USP7: variants seen among roughly 807,000 people sequenced by gnomAD.
USP7 encodes the protein ubiquitin C-terminal hydrolase 7.
In USP7, 9 loss-of-function variants were observed where a neutral mutation model predicts 162.9. That is an observed-to-expected ratio of 0.06 (90% CI 0.03 to 0.10). The LOEUF is 0.10. Ranked by LOEUF, USP7 falls within the 10% of genes least tolerant of loss-of-function variation. The probability of loss-of-function intolerance (pLI) is 1.00; values close to 1 mark genes in which losing one functional copy is unlikely to be tolerated. For missense variants in USP7, 715 were observed against 1,373.7 expected (o/e 0.52, Z 7.58); for synonymous variants, 562 against 475.9 (o/e 1.18, Z -2.35).
chr16:8,919,452 T>TAG (rs1037776885), intron 5 of USP7, among the ~76,000 whole-genome samples: 1 of 152,042 alleles, frequency 6.6e-6, no homozygotes, highest in Non-Finnish European at 1.5e-5. Flanking sequence ...TGCCTCATGG[T>TAG]AGAGTTTGGT....
At chr16:8,925,249 G>C (rs1477959964) in intron 2 of USP7, among the ~76,000 whole-genome samples, 1 of 152,168 alleles carries the variant, frequency 6.6e-6, no homozygotes, top group Non-Finnish European at 1.5e-5. Context: ...CCTGACTCTG[G>C]TTTTTAAAAT....
chr16:8,896,040 T>C (rs903634475), intron 26 of USP7, among the ~76,000 whole-genome samples: 9 of 152,058 alleles, frequency 5.9e-5, no homozygotes, highest in Admixed American at 2.0e-4. Flanking sequence ...TTTCACCATG[T>C]TGGTTAGCCA....
chr16:8,919,802 A>T (rs1471568622), intron 5 of USP7, among the ~76,000 whole-genome samples: 5 of 151,456 alleles, frequency 3.3e-5, no homozygotes, highest in African/African-American at 1.2e-4. Flanking sequence ...CACGACCGTC[A>T]CCAAGCGGGA....
At chr16:8,896,836 G>A (rs527830010) in intron 26 of USP7, among the ~76,000 whole-genome samples, 163 bp downstream of exon 26, 2 of 152,298 alleles carry the variant, frequency 1.3e-5, no homozygotes, top group East Asian at 1.9e-4. Flanking sequence ...GGTCTGTGTT[G>A]AGCTTCTGTG....
chr16:8,953,494 G>A (rs1281056545), intron 1 of USP7, among the ~76,000 whole-genome samples: 1 of 151,692 alleles, frequency 6.6e-6, no homozygotes, highest in African/African-American at 2.4e-5. Context: ...GGGTTGGGGA[G>A]AAGACACGTG....
intron 10 of USP7, among the ~76,000 whole-genome samples, chr16:8,911,936 T>G (rs2061953243): frequency 6.6e-6 from 1 of 152,118 alleles, no homozygotes; most frequent in Non-Finnish European, 1.5e-5. Flanking sequence ...GAAAAACCGC[T>G]GAACACCTGG....
chr16:8,895,225 C>T (rs1001586510), intron 27 of USP7, 75 bp from the exon 28 acceptor site: 9 of 1,607,974 alleles, frequency 5.6e-6, no homozygotes, highest in Non-Finnish European at 7.6e-6. Context: ...TCAATTCTCA[C>T]ACTACTCTAA....
At chr16:8,912,159 T>C (rs914963093) in intron 10 of USP7, among the ~76,000 whole-genome samples, 8 of 152,164 alleles carry the variant, frequency 5.3e-5, no homozygotes, top group Non-Finnish European at 1.5e-5. Flanking sequence ...TTACCAAGCA[T>C]GTGAACCAGT....
chr16:8,946,915 A>C (rs1317058043), intron 1 of USP7, among the ~76,000 whole-genome samples: 1 of 152,262 alleles, frequency 6.6e-6, no homozygotes, highest in African/African-American at 2.4e-5. Context: ...TGATGAATCC[A>C]TATTTTCCAA....
intron 1 of USP7, among the ~76,000 whole-genome samples, chr16:8,933,145 G>A: frequency 6.6e-6 from 1 of 152,186 alleles, no homozygotes; most frequent in East Asian, 1.9e-4. Flanking sequence ...TCATCATGTT[G>A]GTCAGACTGG....
intron 10 of USP7, 54 bp downstream of exon 10, chr16:8,915,200 A>G (rs1481720565): frequency 6.8e-7 from 1 of 1,474,070 alleles, no homozygotes; most frequent in African/African-American, 1.4e-5. Flanking sequence ...TGAAACATTA[A>G]AACACAGTAG....
chr16:8,900,634 C>T lies in USP7; in HGVS notation c.2209-4G>A, dbSNP rs550522259. On this transcript the variant is annotated splice_polypyrimidine_tract_variant and splice_region_variant and intron_variant, in intron 20 of 30. Transcript: ENST00000344836. ...CTGTTAAATTCGGTTTAACTTCCTACAGTGAAAGATATAAAATTGTTACAC... is the reference window on the plus strand; with the variant it reads ...CTGTTAAATTCGGTTTAACTTCCTATAGTGAAAGATATAAAATTGTTACAC... 2.0e-4 allele frequency: 312 copies of T among 1,599,526 alleles called. 1 individual carries two copies. In the South Asian group the frequency reaches 3.3e-3, roughly 17 times the overall value.
intron 2 of USP7, among the ~76,000 whole-genome samples, chr16:8,928,262 AC>A (rs1313456795): frequency 2.6e-5 from 4 of 152,174 alleles, no homozygotes; most frequent in Non-Finnish European, 5.9e-5. Context: ...TACAGACCAA[AC>A]TTCTAATGAG....
intron 13 of USP7, among the ~76,000 whole-genome samples, chr16:8,905,824 C>T (rs190684906): frequency 6.6e-6 from 1 of 152,328 alleles, no homozygotes; most frequent in African/African-American, 2.4e-5. Flanking sequence ...CAGTTATCTT[C>T]CCATCTGCGT....
intron 2 of USP7, among the ~76,000 whole-genome samples, chr16:8,926,712 T>C (rs1898021888): frequency 1.3e-5 from 2 of 152,186 alleles, no homozygotes; most frequent in South Asian, 2.1e-4. Flanking sequence ...CACTGCAAAA[T>C]TAGCACTTCA....
chr16:8,908,489 T>C, intron 11 of USP7, 39 bp from the exon 12 acceptor site: 1 of 1,549,114 alleles, frequency 6.5e-7, no homozygotes, highest in Non-Finnish European at 8.8e-7. Context: ...AGTTAGCCTC[T>C]ACTTACTCCT....
chr16:8,921,256 T>C lies in USP7; in HGVS notation c.423A>G (p.Ile141Met). Residue 141 changes from isoleucine to methionine, a missense_variant, in exon 4 of 31, where the codon ATA becomes ATG. Coordinates refer to ENST00000344836, the MANE Select transcript of USP7 (RefSeq NM_003470.3). ...ACGACTTTTCATCATCTCTGTAATT[T>C]ATTATCTTCAGCACTGCTTGTGCAT... ...SCHAQAVLKI[I>M]NYRDDEKSFS... is the part of the protein sequence containing the mutation. 2 of 1,614,158 alleles carry C rather than the reference T, an allele frequency of 1.2e-6. No individual in the cohort carries two copies. The highest frequency in any genetic ancestry group is 1.7e-6 in the Non-Finnish European group (2 of 1,180,022).
chr16:8,939,654 A>T (rs1442049456), intron 1 of USP7, among the ~76,000 whole-genome samples: 1 of 152,254 alleles, frequency 6.6e-6, no homozygotes, highest in Admixed American at 6.5e-5. Flanking sequence ...TTTCACCTCC[A>T]GGCATTCTCA....
intron 2 of USP7, 135 bp downstream of exon 2, chr16:8,930,158 T>C (rs1365907917): frequency 1.7e-6 from 1 of 593,020 alleles, no homozygotes; most frequent in Non-Finnish European, 2.8e-6. Flanking sequence ...AGGATTTTCC[T>C]CAGTTACAGC....
Sources: allele counts gnomAD v4.1 joint callset (sites outside exome capture counted in the v4.1 genomes callset), GRCh38; gene constraint gnomAD v4.1.1; transcripts MANE v1.5; gene names NCBI Gene and HGNC (gene_info 2026-07-23, HGNC 2026-07-21).